Variants in HMGN5 observed in about 807,000 individuals in gnomAD.
The protein encoded by HMGN5 is high mobility group nucleosome-binding domain-containing protein 5.
HMGN5 carries 4 observed loss-of-function variants against 9.5 expected under a neutral mutation model. The ratio of observed to expected loss-of-function variants is 0.42; its 90% confidence interval spans 0.21 to 0.96. The LOEUF (loss-of-function observed/expected upper bound fraction) is 0.96, where lower values mean the gene tolerates loss of function less well. Ranked by LOEUF, HMGN5 falls within the 40% of genes least tolerant of loss-of-function variation. The probability of loss-of-function intolerance (pLI) is 0.30; values close to 1 mark genes in which losing one functional copy is unlikely to be tolerated. For missense variants in HMGN5, 192 were observed against 187.5 expected (o/e 1.02, Z -0.14); for synonymous variants, 55 against 57.1 (o/e 0.96, Z 0.16).
At chrX:81,149,186 T>C (rs750551024) in intron 1 of HMGN5, among the ~76,000 whole-genome samples, 1 of 111,851 alleles carries the variant, frequency 8.9e-6, no homozygotes, top group Admixed American at 9.5e-5. Flanking sequence ...CTTGTATGTT[T>C]ACTGTAGCAC....
chrX:81,176,708 A>G (rs1175503419), intron 1 of HMGN5, among the ~76,000 whole-genome samples: 2 of 111,572 alleles, frequency 1.8e-5, no homozygotes, highest in South Asian at 3.8e-4. Context: ...GAAATTAATG[A>G]GATAAAATGA....
At chrX:81,176,493 A>G (rs753230925) in intron 1 of HMGN5, among the ~76,000 whole-genome samples, 4 of 111,389 alleles carry the variant, frequency 3.6e-5, no homozygotes, top group Non-Finnish European at 5.6e-5. Context: ...TCTCCGAACT[A>G]AAGGAGCATG....
intron 1 of HMGN5, among the ~76,000 whole-genome samples, chrX:81,126,958 A>G (rs2075285610): frequency 9.0e-6 from 1 of 111,533 alleles, no homozygotes; most frequent in Admixed American, 9.5e-5. Context: ...TACTTTTGGT[A>G]TAGTTGATAT....
chrX:81,187,707 T>C (rs2075481440), intron 1 of HMGN5, among the ~76,000 whole-genome samples: 1 of 112,106 alleles, frequency 8.9e-6, no homozygotes, highest in African/African-American at 3.2e-5. Flanking sequence ...TCAGTGTTAT[T>C]GTTGATTGTA....
chrX:81,182,406 A>G (rs962003277), intron 1 of HMGN5, among the ~76,000 whole-genome samples: 2 of 112,038 alleles, frequency 1.8e-5, no homozygotes, highest in Non-Finnish European at 1.9e-5. Flanking sequence ...CTCATGTTCA[A>G]TTGTAATTCC....
chrX:81,190,738 T>C (rs1448604812), intron 1 of HMGN5, among the ~76,000 whole-genome samples: 1 of 111,651 alleles, frequency 9.0e-6, no homozygotes, highest in East Asian at 2.8e-4. Flanking sequence ...CCATTTTGAG[T>C]TAATTATTGT....
At chrX:81,118,021 T>A (rs2075259153) in intron 5 of HMGN5, among the ~76,000 whole-genome samples, 1 of 109,513 alleles carries the variant, frequency 9.1e-6, no homozygotes, top group African/African-American at 3.3e-5. Context: ...ATATTATATA[T>A]ATAATTATAT....
At chrX:81,198,775 T>G (rs1036774403) in intron 1 of HMGN5, among the ~76,000 whole-genome samples, 1 of 111,767 alleles carries the variant, frequency 8.9e-6, no homozygotes, top group African/African-American at 3.3e-5. Flanking sequence ...AATATAATAC[T>G]GAATGGACAA....
In HMGN5 at chrX:81,132,193, C is replaced by T. The variant is rs547822875; in HGVS notation, c.-123-10521G>A. Among the ~76,000 whole-genome samples the T allele has an allele frequency of 2.7e-5, 3 of 111,194 alleles. No homozygotes were observed. In the South Asian group the frequency reaches 1.1e-3, roughly 42 times the overall value. On this transcript the variant is annotated intron_variant, in intron 1 of 6. Coordinates refer to ENST00000358130, the MANE Select transcript of HMGN5 (RefSeq NM_030763.3). ...TCTTTACAAGGAGAACTACAAACCA[C>T]TGCTCAAAGAAATCAGAGATGAAAC...
At chrX:81,131,476 T>C (rs751822446) in intron 1 of HMGN5, among the ~76,000 whole-genome samples, 10 of 110,833 alleles carry the variant, frequency 9.0e-5, no homozygotes, top group Non-Finnish European at 1.9e-4. Flanking sequence ...CCAGGATGAA[T>C]AGAAAATATG....
intron 1 of HMGN5, among the ~76,000 whole-genome samples, chrX:81,171,650 C>A (rs1222190221): frequency 9.0e-6 from 1 of 111,435 alleles, no homozygotes; most frequent in Non-Finnish European, 1.9e-5. Flanking sequence ...AGGTATACAA[C>A]TGGAAAATTA....
At chrX:81,153,766 A>G in intron 1 of HMGN5, among the ~76,000 whole-genome samples, 1 of 102,232 alleles carries the variant, frequency 9.8e-6, no homozygotes, top group Non-Finnish European at 2.0e-5. Context: ...AGTTTAAAAA[A>G]GTAATCCCAT....
At chrX:81,140,655 G>A (rs1031832887) in intron 1 of HMGN5, among the ~76,000 whole-genome samples, 5 of 107,808 alleles carry the variant, frequency 4.6e-5, no homozygotes, top group Non-Finnish European at 9.6e-5. Context: ...AACCAGTAAC[G>A]ATTACCTGGT....
intron 1 of HMGN5, among the ~76,000 whole-genome samples, chrX:81,123,609 C>G (rs1234591734): frequency 8.9e-6 from 1 of 112,255 alleles, no homozygotes; most frequent in Non-Finnish European, 1.9e-5. Flanking sequence ...TGCATCCATT[C>G]AACAAATTCT....
chrX:81,142,680 A>G (rs1337951130), intron 1 of HMGN5, among the ~76,000 whole-genome samples: 2 of 112,069 alleles, frequency 1.8e-5, no homozygotes, highest in African/African-American at 6.5e-5. Flanking sequence ...AAAACAAAAG[A>G]TGAGTGATTT....
intron 1 of HMGN5, among the ~76,000 whole-genome samples, chrX:81,165,479 CCTTA>C (rs2075408689): frequency 9.0e-6 from 1 of 111,011 alleles, no homozygotes; most frequent in Non-Finnish European, 1.9e-5. Context: ...ACAAAACTCC[CCTTA>C]CTTGTCTTAT....
intron 1 of HMGN5, among the ~76,000 whole-genome samples, chrX:81,140,559 CAAAAAAAAA>C (rs1227925535): frequency 8.9e-5 from 3 of 33,627 alleles, no homozygotes; most frequent in African/African-American, 4.6e-4. Context: ...GACTCTGTCT[CAAAAAAAAA>C]AAAAAAAAAA....
intron 1 of HMGN5, among the ~76,000 whole-genome samples, chrX:81,165,672 G>T (rs1371201325): frequency 9.0e-6 from 1 of 111,348 alleles, no homozygotes; most frequent in East Asian, 2.8e-4. Flanking sequence ...GAAGATCAGG[G>T]TTATTGCCAT....
At chrX:81,129,776 C>A (rs1402196681) in intron 1 of HMGN5, among the ~76,000 whole-genome samples, 1 of 111,097 alleles carries the variant, frequency 9.0e-6, no homozygotes, top group Non-Finnish European at 1.9e-5. Flanking sequence ...ATAGAACTTA[C>A]CATCTTCAGG....
Sources: allele counts gnomAD v4.1 joint callset (sites outside exome capture counted in the v4.1 genomes callset), GRCh38; gene constraint gnomAD v4.1.1; transcripts MANE v1.5; gene names NCBI Gene and HGNC (gene_info 2026-07-23, HGNC 2026-07-21).